Variants in GLB1 observed in about 807,000 individuals in gnomAD.
GLB1 encodes the protein galactosidase beta 1, also known as beta-galactosidase.
A neutral mutation model predicts 74.0 loss-of-function variants in GLB1; 56 were observed. The observed-to-expected ratio is 0.76, with a 90% CI of 0.61 to 0.94. GLB1 has a LOEUF of 0.94. Among genes scored for constraint, GLB1 ranks in the 40% least tolerant of loss-of-function variants. The pLI, the probability that GLB1 is intolerant of heterozygous loss-of-function variation, is 0.00. For missense variants in GLB1, 787 were observed against 845.5 expected (o/e 0.93, Z 0.86); for synonymous variants, 323 against 323.6 (o/e 1.00, Z 0.02).
intron 1 of GLB1, 120 bp downstream of exon 1, chr3:33,096,891 G>A: frequency 2.7e-6 from 4 of 1,486,976 alleles, no homozygotes; most frequent in Middle Eastern, 2.2e-4. Context: ...CCTGCTGGGG[G>A]GCACTTCGGG....
chr3:32,988,611 C>T, the GLB1 span, among the ~76,000 whole-genome samples: 2 of 152,176 alleles, frequency 1.3e-5, no homozygotes, highest in African/African-American at 4.8e-5. Context: ...TAATCTCAGT[C>T]TTTTTACTCT....
intron 4 of GLB1, among the ~76,000 whole-genome samples, chr3:33,067,375 T>C (rs911111877): frequency 6.6e-6 from 1 of 151,688 alleles, no homozygotes; most frequent in African/African-American, 2.4e-5. Flanking sequence ...CATGGCTCAC[T>C]GCAGTCTCAA....
chr3:33,006,491 T>G (rs556972447), intron 15 of GLB1, among the ~76,000 whole-genome samples: 2 of 151,408 alleles, frequency 1.3e-5, no homozygotes, highest in Non-Finnish European at 2.9e-5. Context: ...ACCAACAAGG[T>G]TGGGGACCAC....
downstream of GLB1, among the ~76,000 whole-genome samples, chr3:32,992,281 C>A (rs1696240437): frequency 6.6e-6 from 1 of 152,192 alleles, no homozygotes; most frequent in South Asian, 2.1e-4. Flanking sequence ...GTCTCCTTCA[C>A]CTTTGTGTCC....
chr3:33,004,073 T>C (rs1696689067), intron 15 of GLB1, among the ~76,000 whole-genome samples: 1 of 152,132 alleles, frequency 6.6e-6, no homozygotes, highest in Non-Finnish European at 1.5e-5. Flanking sequence ...TCCTTGGATC[T>C]GGCTGGTCTA....
At chr3:33,072,422 C>T in intron 2 of GLB1, 122 bp downstream of exon 2, 3 of 1,480,112 alleles carry the variant, frequency 2.0e-6, no homozygotes, top group Non-Finnish European at 1.8e-6. Flanking sequence ...CCTCCCAGAA[C>T]ATCACACTGG....
At chr3:33,082,920 T>G (rs1400808328) in intron 1 of GLB1, among the ~76,000 whole-genome samples, 2 of 152,136 alleles carry the variant, frequency 1.3e-5, no homozygotes, top group Non-Finnish European at 2.9e-5. Flanking sequence ...GATGGACAGC[T>G]GCAGAAGCAG....
At position 33,046,102 on chromosome 3, in the gene GLB1, C is replaced by A. The variant is rs200744383; in HGVS notation, c.1068+18G>T. On this transcript the variant is annotated intron_variant, in intron 10 of 15. Coordinates refer to ENST00000307363, the MANE Select transcript of GLB1 (RefSeq NM_000404.4). ...TCTGTCCAAGATCAGCCCACCACAG[C>A]TCATACAAAGCACCCACCTTCTGGA... The A allele has an allele frequency of 1.9e-6, 3 of 1,611,114 alleles. No individual in the cohort carries two copies. In the East Asian group the frequency reaches 6.7e-5, roughly 36 times the overall value.
intron 14 of GLB1, among the ~76,000 whole-genome samples, chr3:33,016,072 C>T (rs1356883467): frequency 6.6e-6 from 1 of 152,186 alleles, no homozygotes; most frequent in East Asian, 1.9e-4. Context: ...AGGTGAGAGC[C>T]AGTGCCCCAA....
chr3:33,078,243 C>G (rs1227205313), intron 1 of GLB1, among the ~76,000 whole-genome samples: 2 of 151,988 alleles, frequency 1.3e-5, no homozygotes, highest in African/African-American at 2.4e-5. Context: ...GACCCTGTCT[C>G]AAAATAACAA....
intron 1 of GLB1, among the ~76,000 whole-genome samples, chr3:33,074,366 AAGGAAGGAAGGAAGGAAGGAAGG>A (rs1700013866): frequency 5.6e-5 from 7 of 124,018 alleles, no homozygotes; most frequent in African/African-American, 2.0e-4. Flanking sequence ...GGAAGGAAGG[AAGGAAGGAAGGAAGGAAGGAAGG>A]AAGAAAGAAA....
chr3:32,962,908 A>G, the GLB1 span, among the ~76,000 whole-genome samples: 1 of 152,128 alleles, frequency 6.6e-6, no homozygotes, highest in East Asian at 1.9e-4. Flanking sequence ...TCTTCAAGAC[A>G]TATTAATAGC....
chr3:32,978,762 TTTC>T, the GLB1 span, among the ~76,000 whole-genome samples: 15 of 64,730 alleles, frequency 2.3e-4, no homozygotes, highest in East Asian at 1.8e-3. Context: ...TCTTTCTTTC[TTTC>T]TTTTTTTTTT....
intron 12 of GLB1, among the ~76,000 whole-genome samples, chr3:33,020,539 G>C (rs1451637679): frequency 1.3e-5 from 2 of 152,266 alleles, no homozygotes; most frequent in Admixed American, 6.5e-5. Flanking sequence ...AATCTAATTA[G>C]TGAGGCAAAG....
chr3:33,074,203 G>A (rs565157258), intron 1 of GLB1, among the ~76,000 whole-genome samples: 53 of 150,656 alleles, frequency 3.5e-4, no homozygotes, highest in African/African-American at 1.2e-3. Context: ...ATAGCTACTC[G>A]GGAGATTGGG....
chr3:33,090,670 T>C (rs984897680), intron 1 of GLB1: 14 of 985,442 alleles, frequency 1.4e-5, no homozygotes, highest in Non-Finnish European at 1.7e-5. Context: ...AAAGGTGTCA[T>C]GGAGACCTGC....
At chr3:33,092,154 T>C in intron 1 of GLB1, 1 of 985,584 alleles carries the variant, frequency 1.0e-6, no homozygotes, top group Non-Finnish European at 1.2e-6. Context: ...CGCCCACCGT[T>C]CTTCTCCCCT....
At chr3:33,090,775 G>C (rs1700724014) in intron 1 of GLB1, 1 of 985,288 alleles carries the variant, frequency 1.0e-6, no homozygotes, top group African/African-American at 1.7e-5. Context: ...AGAGGGTGTT[G>C]ATGTTGTTTC....
At chr3:32,998,740 C>T (rs1379408878) in intron 15 of GLB1, among the ~76,000 whole-genome samples, 2 of 152,064 alleles carry the variant, frequency 1.3e-5, no homozygotes, top group South Asian at 4.1e-4. Context: ...CCTACAATGG[C>T]CCAGATATCC....
Sources: gnomAD v4.1 joint callset for allele counts (sites outside exome capture counted in the v4.1 genomes callset) on GRCh38, gnomAD v4.1.1 for gene constraint, MANE v1.5 for transcripts, NCBI Gene and HGNC (gene_info 2026-07-23, HGNC 2026-07-21) for gene names.